CHD7: variants seen among roughly 807,000 people sequenced by gnomAD.
CHD7 encodes ATP-dependent chromatin remodeler CHD7.
Under a neutral mutation model 307.3 loss-of-function variants are expected in CHD7, and 24 were observed. That is an observed-to-expected ratio of 0.08 (90% CI 0.06 to 0.11). The LOEUF (loss-of-function observed/expected upper bound fraction) is 0.11, where lower values mean the gene tolerates loss of function less well. Ranked by LOEUF, CHD7 falls within the 10% of genes least tolerant of loss-of-function variation. The pLI, the probability that CHD7 is intolerant of heterozygous loss-of-function variation, is 1.00. For synonymous variants in CHD7, 1,363 were observed against 1,349.9 expected, an observed-to-expected ratio of 1.01 and a Z score of -0.21; for missense variants, 3,106 against 3,727.1, an observed-to-expected ratio of 0.83 and a Z score of 4.34.
chr8:60,776,708 A>G (rs1292824092), intron 2 of CHD7, among the ~76,000 whole-genome samples: 1 of 152,182 alleles, frequency 6.6e-6, no homozygotes, highest in Non-Finnish European at 1.5e-5. Context: ...TGTCATTGTT[A>G]TAATCTCAAT....
At chr8:60,758,170 C>CT (rs1446583173) in intron 2 of CHD7, among the ~76,000 whole-genome samples, 1 of 152,062 alleles carries the variant, frequency 6.6e-6, no homozygotes, top group Non-Finnish European at 1.5e-5. Context: ...TGGTCTTACT[C>CT]TGTCACCCAG....
intron 15 of CHD7, 27 bp downstream of exon 15, chr8:60,830,604 C>G (rs566928630): frequency 6.2e-7 from 1 of 1,604,812 alleles, no homozygotes; most frequent in South Asian, 1.1e-5. Flanking sequence ...CGCGAACTTG[C>G]TTAAGTGACG....
chr8:60,822,801 A>C (rs1195193088), intron 12 of CHD7, 55 bp downstream of exon 12: 6 of 1,370,006 alleles, frequency 4.4e-6, no homozygotes, highest in African/African-American at 1.5e-5. Context: ...TTAAGGTGTT[A>C]AAAAAAAATC....
At position 60,801,511 on chromosome 8, in the gene CHD7, C is replaced by T. The variant is rs1586352662; in HGVS notation, c.2377-17C>T. ...GATGTTTTCTATTTGGATTGATGCACATGCCTTTTTTTTTAGGAATCTGTT... is the reference window on the plus strand; with the variant it reads ...GATGTTTTCTATTTGGATTGATGCATATGCCTTTTTTTTTAGGAATCTGTT... On this transcript the variant is annotated splice_polypyrimidine_tract_variant and intron_variant, in intron 5 of 37. Transcript: ENST00000423902. 8 of 1,552,178 alleles carry T rather than the reference C, an allele frequency of 5.2e-6. No individual in the cohort carries two copies. The highest frequency in any genetic ancestry group is 7.0e-6 in the Non-Finnish European group (8 of 1,143,432).
chr8:60,733,886 A>ATATGT lies in CHD7; in HGVS notation c.-174-7373_-174-7372insTATGT, dbSNP rs1808579309. Among the ~76,000 whole-genome samples the ATATGT allele has an allele frequency of 2.0e-5, 3 of 152,238 alleles. No individual in the cohort carries two copies. The South Asian group carries it at 6.2e-4, about 31-fold the overall frequency. On this transcript the variant is annotated intron_variant, in intron 1 of 37. Transcript: ENST00000423902. ...AACCTGTGAAATAGTATGTTATGTAACATAGCATTAGATATTAATGTTAAC... is the reference window on the plus strand; with the variant it reads ...AACCTGTGAAATAGTATGTTATGTAATATGTCATAGCATTAGATATTAATGTTAAC...
chr8:60,865,216 G>A lies in CHD7; in HGVS notation c.8277G>A (p.Gln2759=). Residue 2759 remains glutamine (Q), a synonymous_variant, in exon 38 of 38, where the codon CAG becomes CAA. Transcript: ENST00000423902. The surrounding 1 kb of genome is among the most constrained non-coding windows in gnomAD (Gnocchi z 4.3). ...LFAGMDLTSL[Q]NLQNLQSLQL... ...CTGGAATGGACCTGACGAGCCTTCAGAATCTCCAGAATCTCCAGTCGCTCC... is the reference window on the plus strand; with the variant it reads ...CTGGAATGGACCTGACGAGCCTTCAAAATCTCCAGAATCTCCAGTCGCTCC... The A allele has an allele frequency of 6.2e-7, 1 of 1,608,452 alleles. No homozygotes were observed. Among genetic ancestry groups the A allele is most frequent in the Non-Finnish European group, 8.5e-7 (1 of 1,177,458 alleles).
intron 3 of CHD7, among the ~76,000 whole-genome samples, chr8:60,782,994 G>A (rs964816466): frequency 6.6e-6 from 1 of 151,904 alleles, no homozygotes; most frequent in Non-Finnish European, 1.5e-5. Flanking sequence ...TTAAAACATA[G>A]GAGTCTGTGT....
intron 1 of CHD7, among the ~76,000 whole-genome samples, chr8:60,716,514 C>G (rs1807608449): frequency 6.6e-6 from 1 of 152,194 alleles, no homozygotes. Context: ...CCTCGTAGGG[C>G]CTGCTGGGCT....
At chr8:60,720,501 CA>C (rs1807844216) in intron 1 of CHD7, among the ~76,000 whole-genome samples, 2 of 152,170 alleles carry the variant, frequency 1.3e-5, no homozygotes, top group African/African-American at 4.8e-5. Flanking sequence ...CCAGTGAAGT[CA>C]AGTATCATTC....
chr8:60,717,237 G>T (rs988827992), intron 1 of CHD7, among the ~76,000 whole-genome samples: 1 of 152,130 alleles, frequency 6.6e-6, no homozygotes, highest in Non-Finnish European at 1.5e-5. Context: ...ATAGTGATTT[G>T]CTTCCTTGTA....
At chr8:60,755,003 C>T (rs549626741) in intron 2 of CHD7, among the ~76,000 whole-genome samples, 2 of 152,190 alleles carry the variant, frequency 1.3e-5, no homozygotes, top group Non-Finnish European at 2.9e-5. Context: ...TCATGGTGTG[C>T]TCTCCAAAAC....
chr8:60,714,722 C>T (rs1373710140), intron 1 of CHD7, among the ~76,000 whole-genome samples: 1 of 152,194 alleles, frequency 6.6e-6, no homozygotes, highest in African/African-American at 2.4e-5. Flanking sequence ...TCACTCTGGT[C>T]GTCTCGGGAG....
intron 8 of CHD7, among the ~76,000 whole-genome samples, chr8:60,818,811 C>T (rs1803879102): frequency 6.6e-6 from 1 of 152,168 alleles, no homozygotes; most frequent in Admixed American, 6.5e-5. Context: ...GTCTAAGTGA[C>T]TTCTAGTTTA....
intron 2 of CHD7, among the ~76,000 whole-genome samples, chr8:60,776,524 C>G (rs1376617967): frequency 1.3e-5 from 2 of 152,200 alleles, no homozygotes; most frequent in African/African-American, 2.4e-5. Flanking sequence ...CCCCCTCTCT[C>G]TCAGCCTGGG....
rs769518352 is a variant in CHD7, at chr8:60,852,845, C to T, written c.6120C>T (p.Ser2040=). ...GTGTTACAGAACCGCCCGACCTCTC[C>T]TCCATAATTGAGCCGATCACAGAGG... ...VKPDDEPPDL[S]SIIEPITEER... is the part of the protein sequence containing the mutation. The change falls in exon 31 of 38, where the codon TCC becomes TCT. Residue 2040 remains serine, a synonymous_variant. Coordinates refer to ENST00000423902, the MANE Select transcript of CHD7 (RefSeq NM_017780.4). The T allele has an allele frequency of 1.2e-6, 2 of 1,612,590 alleles. No individual in the cohort carries two copies. The highest frequency in any genetic ancestry group is 1.7e-6 in the Non-Finnish European group (2 of 1,178,790).
intron 34 of CHD7, among the ~76,000 whole-genome samples, chr8:60,857,879 A>T (rs1216088029): frequency 6.6e-6 from 1 of 152,270 alleles, no homozygotes; most frequent in Non-Finnish European, 1.5e-5. Context: ...AAGTTCAGAA[A>T]TGAAAAATAA....
intron 23 of CHD7, 27 bp from the exon 24 acceptor site, chr8:60,848,488 T>C: frequency 6.3e-7 from 1 of 1,574,994 alleles, no homozygotes; most frequent in Non-Finnish European, 8.7e-7. Flanking sequence ...GTTAAGAACT[T>C]TTTCCCCCCT....
rs145276919 is a variant in CHD7, at chr8:60,840,916, C to A, written c.4534-728C>A. Among the ~76,000 whole-genome samples the A allele has an allele frequency of 3.5e-3, 527 of 152,298 alleles. 1 individual carries two copies. The highest frequency in any genetic ancestry group is 0.012 in the African/African-American group (499 of 41,564). On this transcript the variant is annotated intron_variant, in intron 19 of 37. Transcript: ENST00000423902. Reference sequence around the variant, plus strand: ...TACAGGTGTGAGCCACCATGCCTGGCCTAAAGAATATGTTTCTAAACCACC... The same window carrying A: ...TACAGGTGTGAGCCACCATGCCTGGACTAAAGAATATGTTTCTAAACCACC...
At chr8:60,728,723 A>G (rs534800526) in intron 1 of CHD7, among the ~76,000 whole-genome samples, 3 of 152,364 alleles carry the variant, frequency 2.0e-5, no homozygotes, top group Admixed American at 2.0e-4. Context: ...TATAGTCTAT[A>G]TTTACAGGTT....
Sources: gnomAD v4.1 joint callset for allele counts (sites outside exome capture counted in the v4.1 genomes callset) on GRCh38, gnomAD v4.1.1 for gene constraint, Gnocchi (gnomAD v3.1) non-coding constraint, MANE v1.5 for transcripts, NCBI Gene and HGNC (gene_info 2026-07-23, HGNC 2026-07-21) for gene names.